TRIM9: variants seen among roughly 807,000 people sequenced by gnomAD.
TRIM9 encodes the protein E3 ubiquitin-protein ligase TRIM9.
A neutral mutation model predicts 78.3 loss-of-function variants in TRIM9; 26 were observed. The ratio of observed to expected loss-of-function variants is 0.33; its 90% CI spans 0.24 to 0.46. The LOEUF (loss-of-function observed/expected upper bound fraction) is 0.46. TRIM9 is among the 20% of genes least tolerant of loss of function. TRIM9 has a pLI of 1.00. For synonymous variants in TRIM9, 398 were observed against 416.5 expected, an observed-to-expected ratio of 0.96 and a Z score of 0.54; for missense variants, 787 against 1,036.4, an observed-to-expected ratio of 0.76 and a Z score of 3.30.
At chr14:51,002,705 T>C (rs758835372) in intron 5 of TRIM9, among the ~76,000 whole-genome samples, 7 of 152,204 alleles carry the variant, frequency 4.6e-5, no homozygotes, top group Non-Finnish European at 8.8e-5. Context: ...AAACAGGTTC[T>C]ATGGCAGATA....
chr14:51,040,102 A>G (rs969124947), intron 1 of TRIM9, among the ~76,000 whole-genome samples: 1 of 152,202 alleles, frequency 6.6e-6, no homozygotes, highest in African/African-American at 2.4e-5. Flanking sequence ...AATATATAAC[A>G]GGATAAAGTA....
chr14:51,059,231 A>T (rs2061139454), intron 1 of TRIM9, among the ~76,000 whole-genome samples: 1 of 152,242 alleles, frequency 6.6e-6, no homozygotes, highest in Non-Finnish European at 1.5e-5. Context: ...ACAGCACTTC[A>T]ATAACTTTCC....
At chr14:51,057,152 C>T (rs2060955916) in intron 1 of TRIM9, among the ~76,000 whole-genome samples, 1 of 152,176 alleles carries the variant, frequency 6.6e-6, no homozygotes, top group East Asian at 1.9e-4. Context: ...TTTTCATCAC[C>T]CTAAAACCCC....
chr14:51,022,479 TG>T (rs1164928540), intron 3 of TRIM9, among the ~76,000 whole-genome samples: 5 of 152,246 alleles, frequency 3.3e-5, no homozygotes, highest in African/African-American at 1.2e-4. Context: ...ACCCAGTCTG[TG>T]GGATTCCGCT....
chr14:50,989,242 G>A (rs1032218258), intron 7 of TRIM9, among the ~76,000 whole-genome samples: 1 of 152,166 alleles, frequency 6.6e-6, no homozygotes, highest in African/African-American at 2.4e-5. Context: ...TGACAACATT[G>A]AGAACAGTAT....
chr14:51,075,772 T>G (rs1424485392), intron 1 of TRIM9, among the ~76,000 whole-genome samples: 1 of 152,174 alleles, frequency 6.6e-6, no homozygotes, highest in East Asian at 1.9e-4. Context: ...GTGGGTCTGA[T>G]CGATCTGAAT....
chr14:51,045,691 A>G (rs749519955), intron 1 of TRIM9, among the ~76,000 whole-genome samples: 17 of 152,226 alleles, frequency 1.1e-4, no homozygotes, highest in Non-Finnish European at 1.6e-4. Context: ...AGATCTAGTA[A>G]TCTGGATGTT....
At chr14:51,019,493 C>A (rs1002395766) in intron 3 of TRIM9, among the ~76,000 whole-genome samples, 5 of 152,130 alleles carry the variant, frequency 3.3e-5, no homozygotes, top group Non-Finnish European at 7.3e-5. Flanking sequence ...ACTTTGTGAA[C>A]TATTTTATAC....
chr14:51,024,948 C>A (rs2058082623), intron 2 of TRIM9, among the ~76,000 whole-genome samples: 1 of 152,070 alleles, frequency 6.6e-6, no homozygotes, highest in Non-Finnish European at 1.5e-5. Flanking sequence ...ACAAGCTCAA[C>A]AATAAGGACC....
chr14:51,077,559 A>C (rs1362452775), intron 1 of TRIM9, among the ~76,000 whole-genome samples: 1 of 151,886 alleles, frequency 6.6e-6, no homozygotes, highest in Non-Finnish European at 1.5e-5. Flanking sequence ...ATGCCTGGCT[A>C]ATTTTTGTAT....
chr14:51,085,854 G>T (rs1403709108), intron 1 of TRIM9, among the ~76,000 whole-genome samples: 1 of 152,128 alleles, frequency 6.6e-6, no homozygotes, highest in African/African-American at 2.4e-5. Context: ...GGTTGAGCTG[G>T]TAAAATCTTA....
At chr14:51,037,522 CT>C (rs542243023) in intron 1 of TRIM9, among the ~76,000 whole-genome samples, 11 of 151,946 alleles carry the variant, frequency 7.2e-5, no homozygotes, top group African/African-American at 2.7e-4. Flanking sequence ...AAAGAGGGGG[CT>C]TTTTTTGCAC....
At chr14:51,020,201 A>G (rs1316905537) in intron 3 of TRIM9, among the ~76,000 whole-genome samples, 1 of 152,146 alleles carries the variant, frequency 6.6e-6, no homozygotes, top group African/African-American at 2.4e-5. Flanking sequence ...GATGTCTATA[A>G]AAGGCCAGTC....
At chr14:51,024,656 T>C (rs147411421) in intron 2 of TRIM9, among the ~76,000 whole-genome samples, 3 of 152,324 alleles carry the variant, frequency 2.0e-5, no homozygotes, top group African/African-American at 7.2e-5. Flanking sequence ...TCATTGTGTC[T>C]AGATAAAGCA....
chr14:51,035,912 T>G (rs1025809766), intron 1 of TRIM9, among the ~76,000 whole-genome samples: 1 of 152,244 alleles, frequency 6.6e-6, no homozygotes, highest in African/African-American at 2.4e-5. Context: ...CAGAAAAGCA[T>G]GCTCCCTGAC....
intron 7 of TRIM9, among the ~76,000 whole-genome samples, chr14:50,990,900 G>A (rs2053422801): frequency 6.6e-6 from 1 of 152,174 alleles, no homozygotes; most frequent in Admixed American, 6.5e-5. Flanking sequence ...AATGAAGAAT[G>A]AGGCTGTTTT....
chr14:51,041,462 T>C (rs994028745), intron 1 of TRIM9, among the ~76,000 whole-genome samples: 14 of 152,308 alleles, frequency 9.2e-5, no homozygotes, highest in African/African-American at 3.1e-4. Flanking sequence ...CTGGCCCTCT[T>C]AGGAATGTCA....
intron 5 of TRIM9, among the ~76,000 whole-genome samples, chr14:51,005,154 T>C (rs1054993722): frequency 6.6e-6 from 1 of 152,212 alleles, no homozygotes; most frequent in African/African-American, 2.4e-5. Context: ...TTTCAGGCTA[T>C]CAGCATTAAC....
chr14:50,992,243 T>C (rs1281781872), intron 7 of TRIM9, among the ~76,000 whole-genome samples: 1 of 152,160 alleles, frequency 6.6e-6, no homozygotes, highest in Non-Finnish European at 1.5e-5. Context: ...TCTCAGCACA[T>C]CAGGGTGCAG....
Sources: gnomAD v4.1 joint callset for allele counts (sites outside exome capture counted in the v4.1 genomes callset) on GRCh38, gnomAD v4.1.1 for gene constraint, MANE v1.5 for transcripts, NCBI Gene and HGNC (gene_info 2026-07-23, HGNC 2026-07-21) for gene names.